Variants in RHBDD1 observed in about 807,000 individuals in gnomAD.
RHBDD1 encodes the protein rhomboid-related protein 4.
In RHBDD1, 38 loss-of-function variants were observed where a neutral mutation model predicts 36.3. The observed-to-expected ratio is 1.05, with a 90% CI of 0.81 to 1.37. RHBDD1 has a LOEUF of 1.37. RHBDD1 is among the 40% of genes most tolerant of loss of function. The pLI is 0.00. For missense variants in RHBDD1, 393 were observed against 377.6 expected (o/e 1.04, Z -0.34); for synonymous variants, 151 against 136.5 (o/e 1.11, Z -0.74).
intron 3 of RHBDD1, among the ~76,000 whole-genome samples, chr2:226,861,264 A>G (rs1306829623): frequency 6.6e-6 from 1 of 152,160 alleles, no homozygotes; most frequent in Non-Finnish European, 1.5e-5. Context: ...GATAGAGGAG[A>G]AGTGAACAGC....
At chr2:226,968,408 TTTC>T (rs1436890978) in intron 8 of RHBDD1, among the ~76,000 whole-genome samples, 5 of 152,186 alleles carry the variant, frequency 3.3e-5, no homozygotes, top group Admixed American at 1.3e-4. Context: ...ACAAGCAGAA[TTTC>T]TTCTTCTTCA....
rs968954712 is a variant in RHBDD1, at chr2:226,980,786, C to G, written c.857-14645C>G. On this transcript the variant is annotated intron_variant, in intron 8 of 8. Transcript: ENST00000392062. Reference sequence around the variant, plus strand: ...CCCAAGATGAGCCTAATTCTAGGTTCCTAACTTGGGATTGATGTTTAAAAA... The same window carrying G: ...CCCAAGATGAGCCTAATTCTAGGTTGCTAACTTGGGATTGATGTTTAAAAA... Among the ~76,000 whole-genome samples, 9 of 152,224 alleles carry G rather than the reference C, an allele frequency of 5.9e-5. No individual in the cohort carries two copies. In the East Asian group the frequency reaches 1.7e-3, roughly 29 times the overall value.
chr2:226,846,779 TAAAACATGG>T (rs1942272971), intron 3 of RHBDD1, among the ~76,000 whole-genome samples: 1 of 138,960 alleles, frequency 7.2e-6, no homozygotes, highest in African/African-American at 2.7e-5. Context: ...AATGTAAGAG[TAAAACATGG>T]AGAACATGGA....
chr2:226,807,991 G>A, the RHBDD1 span, among the ~76,000 whole-genome samples: 1 of 151,578 alleles, frequency 6.6e-6, no homozygotes, highest in Non-Finnish European at 1.5e-5. Flanking sequence ...CTCTAGCCTG[G>A]GTAACAGAGC....
intron 8 of RHBDD1, among the ~76,000 whole-genome samples, chr2:226,919,250 A>C (rs1397906851): frequency 6.6e-6 from 1 of 152,060 alleles, no homozygotes; most frequent in African/African-American, 2.4e-5. Flanking sequence ...TAGTTTGCAC[A>C]TATTTTCTCC....
chr2:226,938,964 C>T (rs1351218255), intron 8 of RHBDD1, among the ~76,000 whole-genome samples: 3 of 152,146 alleles, frequency 2.0e-5, no homozygotes, highest in African/African-American at 7.2e-5. Flanking sequence ...GGATGCAAGG[C>T]TGGTCCAACA....
At chr2:226,900,233 G>T (rs76052077) in intron 5 of RHBDD1, among the ~76,000 whole-genome samples, 4,341 of 152,290 alleles carry the variant, frequency 0.029, 84 homozygotes, top group Non-Finnish European at 0.044. Context: ...TTAAGTTATT[G>T]TTCCTTATTA....
At chr2:226,969,455 T>C (rs1011005390) in intron 8 of RHBDD1, among the ~76,000 whole-genome samples, 6 of 133,838 alleles carry the variant, frequency 4.5e-5, no homozygotes, top group Non-Finnish European at 6.2e-5. Context: ...ATATTAGGGG[T>C]GAAGGAGAGT....
rs771666777 is a variant in RHBDD1, at chr2:226,998,962, T to C, written c.*3440T>C. The C allele has an allele frequency of 7.9e-5, 12 of 152,328 alleles. No individual in the cohort carries two copies. Among genetic ancestry groups the C allele is most frequent in the African/African-American group, 1.2e-4 (5 of 41,452 alleles). The allele number at this position is 152,328 out of a possible 1,614,324, so 9.4% of individuals were successfully genotyped here. ...ACATGGAACAGCTCTTTCCTCTCTCTTGGCCCATTCAGATCCTCCTCATCC... is the reference window on the plus strand; with the variant it reads ...ACATGGAACAGCTCTTTCCTCTCTCCTGGCCCATTCAGATCCTCCTCATCC... On this transcript the variant is annotated 3_prime_UTR_variant, in exon 9 of 9. Transcript: ENST00000392062.
At chr2:226,827,573 A>G in the RHBDD1 span, among the ~76,000 whole-genome samples, 92 of 152,296 alleles carry the variant, frequency 6.0e-4, no homozygotes, top group African/African-American at 2.1e-3. Flanking sequence ...GTTCCATTTA[A>G]CTCAGTAAGT....
At chr2:226,940,062 A>T (rs1950569688) in intron 8 of RHBDD1, among the ~76,000 whole-genome samples, 2 of 152,202 alleles carry the variant, frequency 1.3e-5, no homozygotes, top group Admixed American at 6.5e-5. Context: ...GGTTAGCCAT[A>T]TGTGGAAGAC....
chr2:226,937,084 C>T (rs760997556), intron 8 of RHBDD1, among the ~76,000 whole-genome samples: 5 of 152,060 alleles, frequency 3.3e-5, no homozygotes, highest in African/African-American at 1.2e-4. Context: ...TTTTTAGCCT[C>T]AGAAGTTTTT....
chr2:226,979,821 C>G (rs1955331214), intron 8 of RHBDD1, among the ~76,000 whole-genome samples: 1 of 152,220 alleles, frequency 6.6e-6, no homozygotes, highest in Non-Finnish European at 1.5e-5. Context: ...CAGTCTAGTT[C>G]ACACCTACAT....
In RHBDD1 at chr2:226,995,510, C is replaced by T. The variant is rs543937511; in HGVS notation, c.936C>T (p.Phe312=). Reference sequence around the variant, plus strand: ...TGAGGAGACAGCGGCTTCACAGATTCGATAGCCAGTGAGGTGGCATCTTGG... The same window carrying T: ...TGAGGAGACAGCGGCTTCACAGATTTGATAGCCAGTGAGGTGGCATCTTGG... ...EEMRRQRLHR[F]DSQ The change falls in exon 9 of 9, where the codon TTC becomes TTT. Residue 312 remains phenylalanine (F), a synonymous_variant. Coordinates refer to ENST00000392062, the MANE Select transcript of RHBDD1 (RefSeq NM_001167608.3). The T allele has an allele frequency of 8.4e-5, 136 of 1,609,770 alleles. 1 individual carries two copies. Among genetic ancestry groups the T allele is most frequent in the Admixed American group, 7.9e-4 (47 of 59,726 alleles).
chr2:226,827,213 C>T, the RHBDD1 span, among the ~76,000 whole-genome samples: 8 of 152,168 alleles, frequency 5.3e-5, no homozygotes, highest in African/African-American at 1.9e-4. Context: ...GATCCACCTG[C>T]CTTGGCCTCC....
chr2:226,857,202 A>G (rs940992034), intron 3 of RHBDD1, among the ~76,000 whole-genome samples: 1 of 152,096 alleles, frequency 6.6e-6, no homozygotes, highest in Admixed American at 6.6e-5. Flanking sequence ...AAGCATTTTC[A>G]TAGTATCATG....
chr2:226,911,250 G>C (rs1380068487), intron 7 of RHBDD1, among the ~76,000 whole-genome samples: 1 of 152,106 alleles, frequency 6.6e-6, no homozygotes, highest in Non-Finnish European at 1.5e-5. Context: ...TGGATAGGTA[G>C]AAATGCTGCG....
At chr2:226,831,737 TAA>T (rs1390328148), upstream of RHBDD1, among the ~76,000 whole-genome samples, 1 of 151,482 alleles carries the variant, frequency 6.6e-6, no homozygotes, top group Non-Finnish European at 1.5e-5. Context: ...CCATAGAAAA[TAA>T]AGTCTTTTTG....
At chr2:226,832,056 T>C (rs1411724082), upstream of RHBDD1, among the ~76,000 whole-genome samples, 1 of 152,110 alleles carries the variant, frequency 6.6e-6, no homozygotes, top group Non-Finnish European at 1.5e-5. Context: ...TTCCTCCCTT[T>C]GCTAAAGGTT....
Sources: allele counts gnomAD v4.1 joint callset (sites outside exome capture counted in the v4.1 genomes callset), GRCh38; gene constraint gnomAD v4.1.1; transcripts MANE v1.5; gene names NCBI Gene and HGNC (gene_info 2026-07-23, HGNC 2026-07-21).